Variants in DNAJB14 observed in about 807,000 individuals in gnomAD.
DNAJB14 encodes the protein dnaJ homolog subfamily B member 14.
DNAJB14 carries 22 observed loss-of-function variants against 48.4 expected under a neutral mutation model. The ratio of observed to expected loss-of-function variants is 0.45; its 90% confidence interval spans 0.32 to 0.65. The LOEUF (loss-of-function observed/expected upper bound fraction) is 0.65. DNAJB14 is among the 30% of genes least tolerant of loss of function. The pLI is 0.03. For synonymous variants in DNAJB14, 142 were observed against 158.7 expected (o/e 0.89, Z 0.79); for missense variants, 319 against 458.8 (o/e 0.70, Z 2.78).
Position 99,903,850 on chromosome 4 carries a change from A to T in DNAJB14, c.891T>A (p.Val297=), listed in dbSNP as rs762826239. The T allele has an allele frequency of 3.0e-5, 49 of 1,612,696 alleles. No individual in the cohort carries two copies. Among genetic ancestry groups the T allele is most frequent in the Non-Finnish European group, 4.2e-5 (49 of 1,179,362 alleles). The change falls in exon 7 of 8, where the codon GTT becomes GTA. Residue 297 remains valine, a synonymous_variant. Coordinates refer to ENST00000442697, the MANE Select transcript of DNAJB14 (RefSeq NM_001031723.4). ...TTTTGAAGTCCTTGTTGACATAATA[A>T]ACAACACCCAAGTTTTCTGTTTGCA... ...IKMQTENLGV[V]YYVNKDFKNE...
chr4:99,941,568 G>C (rs1473937554), intron 1 of DNAJB14, among the ~76,000 whole-genome samples: 2 of 152,132 alleles, frequency 1.3e-5, no homozygotes, highest in African/African-American at 4.8e-5. Flanking sequence ...TGGAATTATT[G>C]TGTCATATAC....
intron 1 of DNAJB14, among the ~76,000 whole-genome samples, chr4:99,941,657 C>T (rs922388624): frequency 2.0e-5 from 3 of 152,080 alleles, no homozygotes; most frequent in East Asian, 1.9e-4. Flanking sequence ...ACTGAATTCC[C>T]AGTTCTTAGA....
chr4:99,920,169 T>C (rs1726003466), intron 3 of DNAJB14, among the ~76,000 whole-genome samples: 1 of 152,232 alleles, frequency 6.6e-6, no homozygotes, highest in South Asian at 2.1e-4. Flanking sequence ...TGAAAAACTA[T>C]GTTTGTTAAA....
At position 99,898,022 on chromosome 4, in the gene DNAJB14, T is replaced by C. The variant is rs1725184799; in HGVS notation, c.*3006A>G. On this transcript the variant is annotated 3_prime_UTR_variant, in exon 8 of 8. Coordinates refer to ENST00000442697, the MANE Select transcript of DNAJB14 (RefSeq NM_001031723.4). ...TCCATTAAGTAACATTAGCATGTCA[T>C]GTGTTAAATAGCTTCATTTAAAAAT... 6.6e-6 allele frequency: 1 copy of C among 152,008 alleles called. No individual in the cohort carries two copies. Among genetic ancestry groups the C allele is most frequent in the South Asian group, 2.1e-4 (1 of 4,834 alleles). 9.4% of individuals were successfully genotyped at this position (152,008 alleles called of 1,614,324 possible). A position where few individuals can be genotyped will look rare whatever the true frequency, so the allele number is the denominator to read the frequency against.
At chr4:99,929,567 C>T (rs1726384994) in intron 2 of DNAJB14, 1 of 152,060 alleles carries the variant, frequency 6.6e-6, no homozygotes, top group Admixed American at 6.5e-5. Flanking sequence ...TCTCAAAATA[C>T]ACTTCAATTA....
chr4:99,922,466 T>C (rs1051257096), intron 3 of DNAJB14: 4 of 151,948 alleles, frequency 2.6e-5, no homozygotes, highest in African/African-American at 7.2e-5. Context: ...CTGACATTTA[T>C]TAAATTGGCA....
At chr4:99,923,527 A>G (rs1402317141) in intron 2 of DNAJB14, among the ~76,000 whole-genome samples, 1 of 152,186 alleles carries the variant, frequency 6.6e-6, no homozygotes, top group Admixed American at 6.5e-5. Flanking sequence ...ATTTTTTAGT[A>G]CTTGTAAGTG....
At chr4:99,918,362 C>A (rs1406653879) in intron 3 of DNAJB14, among the ~76,000 whole-genome samples, 1 of 152,050 alleles carries the variant, frequency 6.6e-6, no homozygotes, top group Non-Finnish European at 1.5e-5. Flanking sequence ...TGCAGAGATT[C>A]TTTTAAGTTT....
At chr4:99,939,649 A>G (rs947411607) in intron 1 of DNAJB14, among the ~76,000 whole-genome samples, 2 of 152,246 alleles carry the variant, frequency 1.3e-5, no homozygotes, top group Admixed American at 1.3e-4. Flanking sequence ...GTGTGCATAC[A>G]TGAGCTCATA....
intron 5 of DNAJB14, 128 bp from the exon 6 acceptor site, chr4:99,905,834 G>A (rs1725445055): frequency 6.3e-6 from 8 of 1,260,266 alleles, no homozygotes; most frequent in Admixed American, 2.5e-5. Flanking sequence ...TCAAATCTGC[G>A]TAACCATGCC....
chr4:99,902,354 G>GT (rs1725323512), intron 7 of DNAJB14, among the ~76,000 whole-genome samples: 1 of 142,676 alleles, frequency 7.0e-6, no homozygotes, highest in South Asian at 2.6e-4. Context: ...ACACACAAAA[G>GT]TATCTCCAGA....
chr4:99,898,770 T>C lies in DNAJB14; in HGVS notation c.*2258A>G, dbSNP rs777182033. On this transcript the variant is annotated 3_prime_UTR_variant, in exon 8 of 8. Transcript: ENST00000442697. ...TGTAGCTAAACATAAGATGGCAAAA[T>C]GTTGGGATTTTTATTATAAAAAAAG... 1.3e-5 allele frequency: 2 copies of C among 151,888 alleles called. No individual in the cohort carries two copies. Among genetic ancestry groups the C allele is most frequent in the Admixed American group, 1.3e-4 (2 of 15,256 alleles). The allele number at this position is 151,888 out of a possible 1,614,324, so 9.4% of individuals were successfully genotyped here. A position where few individuals can be genotyped will look rare whatever the true frequency, so the allele number is the denominator to read the frequency against.
Position 99,925,015 on chromosome 4 carries a change from C to G in DNAJB14, c.306-1830G>C. Reference sequence around the variant, plus strand: ...TTGTTATGGACTGCTGCCCTAGACTCTAAGATGTATAATATAAAATACACT... The same window carrying G: ...TTGTTATGGACTGCTGCCCTAGACTGTAAGATGTATAATATAAAATACACT... On this transcript the variant is annotated intron_variant, in intron 2 of 7. Coordinates refer to ENST00000442697, the MANE Select transcript of DNAJB14 (RefSeq NM_001031723.4). 8 of 565,406 alleles carry G rather than the reference C, an allele frequency of 1.4e-5. No homozygotes were observed. The South Asian group carries it at 1.8e-4, about 13-fold the overall frequency. 35.0% of individuals were successfully genotyped at this position (565,406 alleles called of 1,614,324 possible). A position where few individuals can be genotyped will look rare whatever the true frequency, so the allele number is the denominator to read the frequency against.
rs1407268113 is a variant in DNAJB14 at position 99,896,912 on chromosome 4, C to T, written c.*4116G>A. On this transcript the variant is annotated 3_prime_UTR_variant, in exon 8 of 8. Coordinates refer to ENST00000442697, the MANE Select transcript of DNAJB14 (RefSeq NM_001031723.4). ...AGTCATCCCAGTTTTTACTAACTTA[C>T]TAAACAAGGACATTTCAAGAAATAC... is the stretch of plus-strand genomic sequence containing the variant. 1 of 152,088 alleles carries T rather than the reference C, an allele frequency of 6.6e-6. No homozygotes were observed. The highest frequency in any genetic ancestry group is 2.4e-5 in the African/African-American group (1 of 41,424). 9.4% of individuals were successfully genotyped at this position (152,088 alleles called of 1,614,324 possible). A position where few individuals can be genotyped will look rare whatever the true frequency, so the allele number is the denominator to read the frequency against.
intron 3 of DNAJB14, among the ~76,000 whole-genome samples, chr4:99,909,841 A>T (rs1318077443): frequency 6.6e-6 from 1 of 152,012 alleles, no homozygotes; most frequent in Non-Finnish European, 1.5e-5. Flanking sequence ...TAATCCAGAA[A>T]ATTGTTAAAA....
intron 1 of DNAJB14, among the ~76,000 whole-genome samples, chr4:99,943,713 C>CAT (rs974764272): frequency 5.3e-5 from 8 of 152,160 alleles, no homozygotes; most frequent in Non-Finnish European, 1.2e-4. Flanking sequence ...CCAAGTTATT[C>CAT]TGTCTAGACT....
At position 99,906,375 on chromosome 4, in the gene DNAJB14, A is replaced by G. The variant is rs981081743; in HGVS notation, c.732+142T>C. On this transcript the variant is annotated intron_variant, in intron 5 of 7. Transcript: ENST00000442697. The stretch of plus-strand genomic sequence containing the variant: ...TCTTCCTATTCCTACAATGTCCCTA[A>G]GGATTTTCTAGTCTCTACCAAACAC... The G allele has an allele frequency of 2.0e-5, 19 of 953,628 alleles. No individual in the cohort carries two copies. In the African/African-American group the frequency reaches 2.2e-4, roughly 11 times the overall value. The allele number at this position is 953,628 out of a possible 1,614,324, so 59.1% of individuals were successfully genotyped here. A position where few individuals can be genotyped will look rare whatever the true frequency, so the allele number is the denominator to read the frequency against.
intron 1 of DNAJB14, among the ~76,000 whole-genome samples, chr4:99,944,545 G>GT (rs1453384565): frequency 6.6e-6 from 1 of 151,380 alleles, no homozygotes. Flanking sequence ...ATATTATTCA[G>GT]TTTTTTTACT....
chr4:99,933,467 AT>A (rs113168450), intron 1 of DNAJB14, among the ~76,000 whole-genome samples: 18 of 147,730 alleles, frequency 1.2e-4, no homozygotes, highest in South Asian at 6.4e-4. Context: ...TAATTTTTTG[AT>A]TTTTTTTTTA....
Sources: allele counts gnomAD v4.1 joint callset (sites outside exome capture counted in the v4.1 genomes callset), GRCh38; gene constraint gnomAD v4.1.1; transcripts MANE v1.5; gene names NCBI Gene and HGNC (gene_info 2026-07-23, HGNC 2026-07-21).